The following UBE4B variants were observed in gnomAD, a reference collection of about 807,000 sequenced individuals.
UBE4B encodes ubiquitin conjugation factor E4 B.
In UBE4B, 27 loss-of-function variants were observed where a neutral mutation model predicts 148.1. The observed-to-expected ratio is 0.18, with a 90% CI of 0.13 to 0.25. The LOEUF (loss-of-function observed/expected upper bound fraction) is 0.25. Among genes scored for constraint, UBE4B ranks in the 10% least tolerant of loss-of-function variants. UBE4B has a pLI of 1.00. For missense variants in UBE4B, 1,170 were observed against 1,662.4 expected (o/e 0.70, Z 5.15); for synonymous variants, 596 against 619.3 (o/e 0.96, Z 0.56).
At chr1:10,164,192 T>G (rs1444744859) in intron 23 of UBE4B, among the ~76,000 whole-genome samples, 1 of 152,038 alleles carries the variant, frequency 6.6e-6, no homozygotes, top group Non-Finnish European at 1.5e-5. Context: ...AATACAAAAT[T>G]TAGCCAGGCA....
At chr1:10,081,642 G>T (rs1409605605) in intron 2 of UBE4B, among the ~76,000 whole-genome samples, 1 of 151,572 alleles carries the variant, frequency 6.6e-6, no homozygotes, top group South Asian at 2.1e-4. Context: ...AGGCTGGAGT[G>T]TAATGGCGTA....
At chr1:10,070,104 A>G (rs1644458202) in intron 1 of UBE4B, among the ~76,000 whole-genome samples, 1 of 151,726 alleles carries the variant, frequency 6.6e-6, no homozygotes, top group African/African-American at 2.4e-5. Context: ...GTGAGATGCC[A>G]TGTCTACAAA....
chr1:10,051,412 T>C (rs1474495981), intron 1 of UBE4B, among the ~76,000 whole-genome samples: 5 of 152,212 alleles, frequency 3.3e-5, no homozygotes, highest in Non-Finnish European at 1.5e-5. Flanking sequence ...TTTTAGTTGG[T>C]GTCCATATAA....
chr1:10,170,480 A>T (rs1646323179), intron 24 of UBE4B, among the ~76,000 whole-genome samples: 1 of 152,226 alleles, frequency 6.6e-6, no homozygotes, highest in Admixed American at 6.5e-5. Context: ...TTCCTGTTTC[A>T]GGTTTGCTTA....
At chr1:10,150,408 C>T (rs144498022) in intron 20 of UBE4B, among the ~76,000 whole-genome samples, 8 of 152,128 alleles carry the variant, frequency 5.3e-5, no homozygotes, top group South Asian at 2.1e-4. Flanking sequence ...TTCTCATTTT[C>T]AGCAGAGATT....
chr1:10,167,929 A>G (rs1251595795), intron 23 of UBE4B, among the ~76,000 whole-genome samples: 3 of 152,132 alleles, frequency 2.0e-5, no homozygotes, highest in African/African-American at 4.8e-5. Flanking sequence ...AGAGTTAAAT[A>G]AGGCACCAAC....
chr1:10,082,160 G>C (rs1388744748), intron 2 of UBE4B, among the ~76,000 whole-genome samples: 1 of 152,024 alleles, frequency 6.6e-6, no homozygotes, highest in Non-Finnish European at 1.5e-5. Flanking sequence ...TATGCAGTAG[G>C]TTCTGTTGTA....
chr1:10,097,038 C>CAAAAAAAAAA (rs1175237804), intron 3 of UBE4B, among the ~76,000 whole-genome samples: 1 of 141,074 alleles, frequency 7.1e-6, no homozygotes, highest in African/African-American at 2.7e-5. Context: ...GACTCTGCAT[C>CAAAAAAAAAA]AAAAAAAAAA....
chr1:10,072,124 C>G lies in UBE4B; in HGVS notation c.121C>G (p.Pro41Ala). 1 of 1,613,786 alleles carries G rather than the reference C, an allele frequency of 6.2e-7. No individual in the cohort carries two copies. The highest frequency in any genetic ancestry group is 8.5e-7 in the Non-Finnish European group (1 of 1,179,886). The change falls in exon 2 of 28, where the codon CCC (proline) becomes GCC (alanine). Residue 41 changes from proline (P) to alanine (A), a missense_variant. This residue lies in a region of UBE4B where 127 missense variants were observed against 153.2 expected (regional missense o/e 0.83). Coordinates refer to ENST00000343090, the MANE Select transcript of UBE4B (RefSeq NM_001105562.3). ...CCAGAGGGAGAACCCTCCGGGGCCTCCCATAGCGGCATCAGCCCCAGGACC... is the reference window on the plus strand; with the variant it reads ...CCAGAGGGAGAACCCTCCGGGGCCTGCCATAGCGGCATCAGCCCCAGGACC... ...SPQRENPPGPPIAASAPGPSQ... is the reference protein window; with the variant it reads ...SPQRENPPGPAIAASAPGPSQ...
At chr1:10,102,428 TG>T (rs1645030317) in intron 4 of UBE4B, among the ~76,000 whole-genome samples, 2 of 111,782 alleles carry the variant, frequency 1.8e-5, no homozygotes, top group African/African-American at 4.2e-5. Flanking sequence ...TTTTTTTTTT[TG>T]AGACAGGGCC....
intron 1 of UBE4B, among the ~76,000 whole-genome samples, chr1:10,056,864 C>T (rs1475543179): frequency 6.6e-6 from 1 of 152,166 alleles, no homozygotes; most frequent in Non-Finnish European, 1.5e-5. Flanking sequence ...CCTCACTCTG[C>T]CACCCAGGCT....
intron 21 of UBE4B, among the ~76,000 whole-genome samples, chr1:10,151,789 T>C (rs1378452495): frequency 6.6e-6 from 1 of 152,168 alleles, no homozygotes; most frequent in East Asian, 1.9e-4. Flanking sequence ...CAGCAGGAAC[T>C]ACTGAAAGTC....
chr1:10,111,524 C>T (rs927682826), intron 7 of UBE4B, among the ~76,000 whole-genome samples: 28 of 152,270 alleles, frequency 1.8e-4, no homozygotes, highest in African/African-American at 6.5e-4. Flanking sequence ...GCACGCACAC[C>T]GTCGTTCTTC....
chr1:10,144,867 GAAATGAGCAAGAT>G (rs1195022405), intron 17 of UBE4B, 60 bp from the exon 18 acceptor site: 6 of 1,102,844 alleles, frequency 5.4e-6, no homozygotes, highest in Admixed American at 2.2e-5. Flanking sequence ...GAGAGTCAGT[GAAATGAGCAAGAT>G]GAATGGGTAA....
At chr1:10,142,895 G>C (rs1251529549) in intron 17 of UBE4B, among the ~76,000 whole-genome samples, 3 of 152,064 alleles carry the variant, frequency 2.0e-5, no homozygotes, top group Admixed American at 6.5e-5. Context: ...ATCACTTGAA[G>C]TCAGGAGTTT....
At chr1:10,156,239 C>CTTTTTTT (rs199801311) in intron 21 of UBE4B, among the ~76,000 whole-genome samples, 1 of 123,766 alleles carries the variant, frequency 8.1e-6, no homozygotes. Context: ...ATTTTCTTTT[C>CTTTTTTT]TTTTTTTTTT....
At position 10,151,595 on chromosome 1, in the gene UBE4B, G is replaced by A. The variant is rs776697084; in HGVS notation, c.2926+34G>A. On this transcript the variant is annotated intron_variant, in intron 21 of 27. Transcript: ENST00000343090. The stretch of plus-strand genomic sequence containing the variant: ...CTGGAACACAGTGTAGCACATGGCA[G>A]GCCAACTTAGGTAAGGTCATCTAAA... 2.5e-6 allele frequency: 4 copies of A among 1,572,456 alleles called. No homozygotes were observed. In the South Asian group the frequency reaches 4.5e-5, roughly 18 times the overall value.
intron 23 of UBE4B, among the ~76,000 whole-genome samples, chr1:10,167,825 G>A (rs781005463): frequency 1.3e-5 from 2 of 152,054 alleles, no homozygotes; most frequent in Non-Finnish European, 2.9e-5. Context: ...TCTCGACCTC[G>A]TGATTCGCCC....
At position 10,159,983 on chromosome 1, in the gene UBE4B, T is replaced by G. The variant is rs553499278; in HGVS notation, c.3054-1159T>G. Among the ~76,000 whole-genome samples the G allele has an allele frequency of 3.0e-4, 46 of 152,384 alleles. No individual in the cohort carries two copies. The South Asian group carries it at 9.1e-3, about 30-fold the overall frequency. Reference sequence around the variant, plus strand: ...TGGAGCGCTTGTCCTGAACTTGCCATGTTCCTGAGATCGAGGCCTCCTGCA... The same window carrying G: ...TGGAGCGCTTGTCCTGAACTTGCCAGGTTCCTGAGATCGAGGCCTCCTGCA... On this transcript the variant is annotated intron_variant, in intron 22 of 27. Transcript: ENST00000343090.
Sources: gnomAD v4.1 joint callset for allele counts (sites outside exome capture counted in the v4.1 genomes callset) on GRCh38, gnomAD v4.1.1 for gene constraint, gnomAD v4.1.1 regional missense constraint, MANE v1.5 for transcripts, NCBI Gene and HGNC (gene_info 2026-07-23, HGNC 2026-07-21) for gene names.